Variants in PCDHA6 observed in about 807,000 individuals in gnomAD.
The protein encoded by PCDHA6 is protocadherin alpha-6.
Under a neutral mutation model 60.3 loss-of-function variants are expected in PCDHA6, and 55 were observed. That is an observed-to-expected ratio of 0.91 (90% CI 0.73 to 1.14). The LOEUF (loss-of-function observed/expected upper bound fraction) is 1.14. PCDHA6 is among the 50% of genes most tolerant of loss of function. PCDHA6 has a pLI of 0.00. For synonymous variants in PCDHA6, 652 were observed against 557.9 expected, an observed-to-expected ratio of 1.17 and a Z score of -2.38; for missense variants, 1,327 against 1,256.5, an observed-to-expected ratio of 1.06 and a Z score of -0.85.
At chr5:140,967,113 G>T in intron 1 of PCDHA6, 1 of 1,612,880 alleles carries the variant, frequency 6.2e-7, no homozygotes, top group Non-Finnish European at 8.5e-7. Flanking sequence ...CAGCGGCCTC[G>T]CTGCCTGCTC....
At chr5:140,878,093 G>C (rs1209778256) in intron 1 of PCDHA6, 1 of 292,952 alleles carries the variant, frequency 3.4e-6, no homozygotes, top group Non-Finnish European at 6.0e-6. Context: ...TTATATGACT[G>C]ATGAACCTTG....
At chr5:140,857,761 C>T in intron 1 of PCDHA6, 1 of 1,597,214 alleles carries the variant, frequency 6.3e-7, no homozygotes. Flanking sequence ...CCGCTGGCAG[C>T]GCGGGCGGTG....
chr5:140,892,262 T>G (rs1554185143), intron 1 of PCDHA6, among the ~76,000 whole-genome samples: 1 of 152,188 alleles, frequency 6.6e-6, no homozygotes, highest in African/African-American at 2.4e-5. Flanking sequence ...TTTGATTTTG[T>G]GCTGAAAGTT....
At chr5:140,835,807 T>C in intron 1 of PCDHA6, 1 of 1,612,998 alleles carries the variant, frequency 6.2e-7, no homozygotes, top group East Asian at 2.2e-5. Flanking sequence ...TGCCACATCT[T>C]CACTGTGTCG....
chr5:140,870,478 T>C (rs782114058), intron 1 of PCDHA6: 1 of 1,614,112 alleles, frequency 6.2e-7, no homozygotes, highest in Admixed American at 1.7e-5. Flanking sequence ...ACAGCCCGAG[T>C]ACACCGTGTT....
At chr5:140,979,257 C>T (rs1454477008) in intron 2 of PCDHA6, among the ~76,000 whole-genome samples, 1 of 152,194 alleles carries the variant, frequency 6.6e-6, no homozygotes, top group Non-Finnish European at 1.5e-5. Flanking sequence ...TATGTATTTT[C>T]TCCCATCAAA....
chr5:140,830,161 G>T lies in PCDHA6; in HGVS notation c.2070G>T (p.Glu690Asp). The T allele has an allele frequency of 6.2e-7, 1 of 1,613,372 alleles. No individual in the cohort carries two copies. The highest frequency in any genetic ancestry group is 8.5e-7 in the Non-Finnish European group (1 of 1,179,872). The change falls in exon 1 of 4, where the codon GAG (glutamate) becomes GAT (aspartate). Residue 690 changes from glutamate (E) to aspartate (D), a missense_variant. Coordinates refer to ENST00000529310, the MANE Select transcript of PCDHA6 (RefSeq NM_018909.4). Reference sequence around the variant, plus strand: ...CGTCGGTGGGCGCCGCGGGCCCAGAGGCGGCGCTGGTGGATGTCAACGTGT... The same window carrying T: ...CGTCGGTGGGCGCCGCGGGCCCAGATGCGGCGCTGGTGGATGTCAACGTGT... Reference protein sequence around the residue: ...SRASVGAAGPEAALVDVNVYL... With the variant: ...SRASVGAAGPDAALVDVNVYL...
At chr5:140,882,018 A>C in intron 1 of PCDHA6, 2 of 559,360 alleles carry the variant, frequency 3.6e-6, no homozygotes, top group East Asian at 3.1e-5. Context: ...AAAATACTAC[A>C]TCAATGGAAA....
intron 1 of PCDHA6, among the ~76,000 whole-genome samples, chr5:140,888,393 C>T (rs1554183447): frequency 1.3e-5 from 2 of 152,156 alleles, no homozygotes; most frequent in African/African-American, 4.8e-5. Context: ...CTGCTAAACA[C>T]CATCCAATTG....
intron 1 of PCDHA6, chr5:140,852,584 T>TTA (rs2042387314): frequency 1.2e-6 from 1 of 824,154 alleles, no homozygotes. Context: ...GCTTTTTTAT[T>TTA]TTTTTTTTTT....
chr5:140,927,574 G>T, intron 1 of PCDHA6: 1 of 1,614,168 alleles, frequency 6.2e-7, no homozygotes, highest in Non-Finnish European at 8.5e-7. Flanking sequence ...GGACACAAAT[G>T]ACAACGCGCC....
intron 1 of PCDHA6, among the ~76,000 whole-genome samples, chr5:140,954,144 A>G (rs560378033): frequency 2.0e-5 from 3 of 152,232 alleles, no homozygotes; most frequent in Non-Finnish European, 4.4e-5. Flanking sequence ...ATAGTATTCC[A>G]TGGTGTATAT....
At position 140,858,022 on chromosome 5, in the gene PCDHA6, G is replaced by T; in HGVS notation, c.2394+27537G>T. 2.5e-6 allele frequency: 4 copies of T among 1,597,054 alleles called. 1 individual carries two copies. The highest frequency in any genetic ancestry group is 1.3e-5 in the African/African-American group (1 of 74,416). On this transcript the variant is annotated intron_variant, in intron 1 of 3. Transcript: ENST00000529310. The stretch of plus-strand genomic sequence containing the variant: ...TGAAGGACCATGGCGAGCCGTCGCT[G>T]ACGGCCACGGCCACTGTGCTTGTGT...
intron 1 of PCDHA6, among the ~76,000 whole-genome samples, chr5:140,908,266 C>T (rs1281456045): frequency 1.3e-5 from 2 of 152,144 alleles, no homozygotes; most frequent in African/African-American, 4.8e-5. Context: ...AGGGAACTCC[C>T]CATGAGGCCA....
intron 1 of PCDHA6, chr5:140,864,834 A>T (rs2048619369): frequency 6.6e-6 from 1 of 152,166 alleles, no homozygotes; most frequent in African/African-American, 2.4e-5. Context: ...TTTAAGTATA[A>T]GAGAGTCTTC....
chr5:140,855,926 G>A lies in PCDHA6; in HGVS notation c.2394+25441G>A, dbSNP rs1420815177. On this transcript the variant is annotated intron_variant, in intron 1 of 3. Transcript: ENST00000529310. ...AGTTTCTCAAGGACTAGGAAGTAGC[G>A]TCATTCTGAGATCTCAGCCATTTCG... is the stretch of plus-strand genomic sequence containing the variant. 2.4e-6 allele frequency: 3 copies of A among 1,256,218 alleles called. 1 individual carries two copies. The highest frequency in any genetic ancestry group is 3.3e-6 in the Non-Finnish European group (3 of 905,286). 77.8% of individuals were successfully genotyped at this position (1,256,218 alleles called of 1,614,324 possible). A position where few individuals can be genotyped will look rare whatever the true frequency, so the allele number is the denominator to read the frequency against.
chr5:140,842,491 GCCCCATGT>G (rs1428836968), intron 1 of PCDHA6: 1 of 1,613,778 alleles, frequency 6.2e-7, no homozygotes, highest in African/African-American at 1.3e-5. Context: ...GCTCCCTGAT[GCCCCATGT>G]CCCCTTCAAG....
intron 1 of PCDHA6, chr5:140,875,574 C>A (rs368911944): frequency 2.2e-5 from 35 of 1,613,978 alleles, no homozygotes; most frequent in East Asian, 6.7e-5. Context: ...TCCACTACTC[C>A]GTCTACGAGG....
chr5:140,850,955 C>G (rs782006051), intron 1 of PCDHA6: 1 of 1,482,450 alleles, frequency 6.7e-7, no homozygotes, highest in African/African-American at 1.4e-5. Context: ...ATCGATTACT[C>G]CCAGGGGCCG....
Sources: allele counts gnomAD v4.1 joint callset (sites outside exome capture counted in the v4.1 genomes callset), GRCh38; gene constraint gnomAD v4.1.1; transcripts MANE v1.5; gene names NCBI Gene and HGNC (gene_info 2026-07-23, HGNC 2026-07-21).